The following PPFIA2 variants were observed in gnomAD, a reference collection of about 807,000 sequenced individuals.
The protein encoded by PPFIA2 is liprin-alpha-2.
PPFIA2 carries 46 observed loss-of-function variants against 175.5 expected under a neutral mutation model. The ratio of observed to expected loss-of-function variants is 0.26; its 90% CI spans 0.21 to 0.34. The LOEUF (loss-of-function observed/expected upper bound fraction) is 0.34. PPFIA2 is among the 10% of genes least tolerant of loss of function. The pLI, the probability that PPFIA2 is intolerant of heterozygous loss-of-function variation, is 1.00. For synonymous variants in PPFIA2, 568 were observed against 511.4 expected, an observed-to-expected ratio of 1.11 and a Z score of -1.49; for missense variants, 1,179 against 1,506.1, an observed-to-expected ratio of 0.78 and a Z score of 3.60.
intron 4 of PPFIA2, among the ~76,000 whole-genome samples, chr12:81,541,145 A>T (rs2066148928): frequency 6.6e-6 from 1 of 152,128 alleles, no homozygotes; most frequent in Non-Finnish European, 1.5e-5. Context: ...GTGTTGATAC[A>T]TGTTGTTAAA....
intron 21 of PPFIA2, among the ~76,000 whole-genome samples, chr12:81,337,217 T>C (rs1432669338): frequency 6.6e-6 from 1 of 152,182 alleles, no homozygotes; most frequent in Non-Finnish European, 1.5e-5. Flanking sequence ...CCTAGTTTCA[T>C]AGGTATAGCA....
intron 9 of PPFIA2, 22 bp downstream of exon 9, chr12:81,384,001 G>C: frequency 1.3e-6 from 2 of 1,557,452 alleles, no homozygotes; most frequent in Admixed American, 1.7e-5. Context: ...ATCAAAGACT[G>C]AAAGTGGCAT....
chr12:81,441,488 T>C (rs1022086775), intron 6 of PPFIA2, among the ~76,000 whole-genome samples: 1 of 152,098 alleles, frequency 6.6e-6, no homozygotes, highest in African/African-American at 2.4e-5. Flanking sequence ...CATATTGAGC[T>C]AGAGATTAAC....
chr12:81,648,597 C>T (rs963338285), intron 4 of PPFIA2, among the ~76,000 whole-genome samples: 5 of 151,598 alleles, frequency 3.3e-5, no homozygotes, highest in African/African-American at 1.2e-4. Context: ...TATGTAATCT[C>T]GGTGACTCTC....
At chr12:81,733,931 C>A (rs1322374379) in intron 3 of PPFIA2, among the ~76,000 whole-genome samples, 1 of 151,686 alleles carries the variant, frequency 6.6e-6, no homozygotes, top group Non-Finnish European at 1.5e-5. Flanking sequence ...ACCTACATGT[C>A]TATCTTTTGT....
chr12:81,525,979 A>AT (rs200701656), intron 4 of PPFIA2, among the ~76,000 whole-genome samples: 33 of 152,332 alleles, frequency 2.2e-4, no homozygotes, highest in African/African-American at 7.5e-4. Flanking sequence ...GTTAAAAAAA[A>AT]ATATAAAATT....
chr12:81,273,730 T>A (rs1657290164), intron 28 of PPFIA2, among the ~76,000 whole-genome samples: 1 of 152,114 alleles, frequency 6.6e-6, no homozygotes, highest in Admixed American at 6.5e-5. Context: ...AGGTCCTAGA[T>A]CTTTCTTTGG....
At chr12:81,496,976 C>T (rs1316284979) in intron 4 of PPFIA2, among the ~76,000 whole-genome samples, 1 of 152,184 alleles carries the variant, frequency 6.6e-6, no homozygotes, top group African/African-American at 2.4e-5. Context: ...GGCTTTAGCC[C>T]TACTGAAGCT....
intron 3 of PPFIA2, among the ~76,000 whole-genome samples, chr12:81,688,588 A>C (rs1241327666): frequency 6.6e-6 from 1 of 151,324 alleles, no homozygotes; most frequent in Admixed American, 6.6e-5. Flanking sequence ...ATAGTAGCCT[A>C]AAATACTGGC....
chr12:81,540,933 G>T (rs2153340300), intron 4 of PPFIA2, among the ~76,000 whole-genome samples: 1 of 152,034 alleles, frequency 6.6e-6, no homozygotes, highest in East Asian at 1.9e-4. Flanking sequence ...TAAAGTTGGT[G>T]CCTCCGCATT....
chr12:81,477,397 T>C (rs2057618577), intron 4 of PPFIA2, among the ~76,000 whole-genome samples: 1 of 152,148 alleles, frequency 6.6e-6, no homozygotes, highest in Non-Finnish European at 1.5e-5. Context: ...AACATATTTT[T>C]ACAAAATGAT....
chr12:81,407,696 A>T (rs1312399223), intron 7 of PPFIA2, among the ~76,000 whole-genome samples: 1 of 152,050 alleles, frequency 6.6e-6, no homozygotes, highest in Non-Finnish European at 1.5e-5. Context: ...GAACTGAGGA[A>T]TTTGATGATC....
intron 4 of PPFIA2, among the ~76,000 whole-genome samples, chr12:81,538,275 A>G (rs1221515342): frequency 1.3e-5 from 2 of 151,992 alleles, no homozygotes; most frequent in Non-Finnish European, 2.9e-5. Flanking sequence ...TGATATTATC[A>G]TGACAATATT....
chr12:81,343,703 AATAAG>A, intron 19 of PPFIA2, among the ~76,000 whole-genome samples: 1 of 152,216 alleles, frequency 6.6e-6, no homozygotes, highest in Non-Finnish European at 1.5e-5. Context: ...TCAATTATCT[AATAAG>A]ATGTCATTTT....
intron 3 of PPFIA2, among the ~76,000 whole-genome samples, chr12:81,703,056 T>TA (rs1225218625): frequency 2.0e-5 from 3 of 152,132 alleles, no homozygotes; most frequent in African/African-American, 7.2e-5. Context: ...ACAAGTAGAC[T>TA]AAGACGCCGG....
At chr12:81,673,671 TTTAAG>T (rs1317707870) in intron 4 of PPFIA2, among the ~76,000 whole-genome samples, 1 of 152,026 alleles carries the variant, frequency 6.6e-6, no homozygotes, top group Non-Finnish European at 1.5e-5. Context: ...CAAAGACAGC[TTTAAG>T]TTAATATTTA....
chr12:81,510,888 C>A, intron 4 of PPFIA2, among the ~76,000 whole-genome samples: 1 of 152,038 alleles, frequency 6.6e-6, no homozygotes. Context: ...ACATTAAACT[C>A]AGAATCAGCC....
intron 4 of PPFIA2, among the ~76,000 whole-genome samples, chr12:81,519,328 A>C (rs1481102233): frequency 6.6e-6 from 1 of 152,206 alleles, no homozygotes; most frequent in Non-Finnish European, 1.5e-5. Context: ...AAAGACTTGA[A>C]AATACTTAAA....
At chr12:81,280,788 T>C (rs1050995775) in intron 27 of PPFIA2, among the ~76,000 whole-genome samples, 10 of 151,992 alleles carry the variant, frequency 6.6e-5, no homozygotes, top group African/African-American at 2.2e-4. Flanking sequence ...TAAAAAGACA[T>C]AGAAAAATAA....
Sources: gnomAD v4.1 joint callset for allele counts (sites outside exome capture counted in the v4.1 genomes callset) on GRCh38, gnomAD v4.1.1 for gene constraint, MANE v1.5 for transcripts, NCBI Gene and HGNC (gene_info 2026-07-23, HGNC 2026-07-21) for gene names.